The following ZFP82 variants were observed in gnomAD, a reference collection of about 807,000 sequenced individuals.
ZFP82 encodes ZFP82 zinc finger protein.
In ZFP82, 30 loss-of-function variants were observed where a neutral mutation model predicts 54.0. That is an observed-to-expected ratio of 0.56 (90% CI 0.42 to 0.75). The LOEUF is 0.75. ZFP82 is among the 30% of genes least tolerant of loss of function. The pLI is 0.00. For synonymous variants in ZFP82, 194 were observed against 209.5 expected, an observed-to-expected ratio of 0.93 and a Z score of 0.64; for missense variants, 500 against 636.8, an observed-to-expected ratio of 0.79 and a Z score of 2.31.
chr19:36,417,912 T>C (rs889473483), intron 1 of ZFP82, among the ~76,000 whole-genome samples: 3 of 152,086 alleles, frequency 2.0e-5, no homozygotes, highest in Non-Finnish European at 2.9e-5. Flanking sequence ...AGTTCTAATA[T>C]TCCTATCCCA....
chr19:36,404,999 C>T (rs1310440395), intron 4 of ZFP82, among the ~76,000 whole-genome samples: 1 of 152,036 alleles, frequency 6.6e-6, no homozygotes, highest in African/African-American at 2.4e-5. Flanking sequence ...GCCTGGCCAA[C>T]ATGGTGAAAC....
chr19:36,413,672 A>T (rs991114141), intron 1 of ZFP82, among the ~76,000 whole-genome samples: 4 of 152,190 alleles, frequency 2.6e-5, no homozygotes, highest in African/African-American at 9.6e-5. Flanking sequence ...TCAGGATATG[A>T]ACAGAGCTCT....
At chr19:36,399,548 G>A (rs763141142) in intron 4 of ZFP82, among the ~76,000 whole-genome samples, 5 of 152,172 alleles carry the variant, frequency 3.3e-5, no homozygotes, top group Admixed American at 1.3e-4. Flanking sequence ...AGCCACAGTC[G>A]CAGGCCCAGG....
chr19:36,392,935 G>A lies in ZFP82; in HGVS notation c.1405C>T (p.Gln469Ter). 10 of 1,613,976 alleles carry A rather than the reference G, an allele frequency of 6.2e-6. No individual in the cohort carries two copies. The highest frequency in any genetic ancestry group is 8.5e-6 in the Non-Finnish European group (10 of 1,179,946). Residue 469 changes from glutamine (Q) to a stop codon, truncating the protein, a stop_gained, in exon 5 of 5, where the codon CAG becomes TAG. Coordinates refer to ENST00000392161, the MANE Select transcript of ZFP82 (RefSeq NM_133466.4). LOFTEE classifies it high-confidence loss of function. Reference sequence around the variant, plus strand: ...GGTTTTTCGCCAGTATGAATGCTCTGATGTAGAGTAAGTTTTTGGCGCAAT... The same window carrying A: ...GGTTTTTCGCCAGTATGAATGCTCTAATGTAGAGTAAGTTTTTGGCGCAAT... ...FRLRQKLTLH[Q>*]SIHTGEKPFE...
At chr19:36,384,798 T>C (rs568805504), downstream of ZFP82, among the ~76,000 whole-genome samples, 1 of 152,226 alleles carries the variant, frequency 6.6e-6, no homozygotes, top group Non-Finnish European at 1.5e-5. Context: ...TTCTTCATGT[T>C]ACATTTTACT....
At chr19:36,396,059 C>CCA (rs1362656778) in intron 4 of ZFP82, 1 of 118,924 alleles carries the variant, frequency 8.4e-6, no homozygotes, top group African/African-American at 3.2e-5. Context: ...CCACGCCTGG[C>CCA]TATTTTTTTT....
rs1568483520 is a variant in ZFP82 at position 36,393,682 on chromosome 19, G to C, written c.658C>G (p.His220Asp). ...CATTCATAGAGTTTTTCACCAGAAT[G>C]AAGTCTCTGATGTCGAGTAAGGTGT... ...TAHLTRHQRL[H>D]SGEKLYECKE... The change falls in exon 5 of 5, where the codon CAT (histidine) becomes GAT (aspartate). Residue 220 changes from histidine to aspartate, a missense_variant. Transcript: ENST00000392161. 6.2e-7 allele frequency: 1 copy of C among 1,614,118 alleles called. No homozygotes were observed. Among genetic ancestry groups the C allele is most frequent in the Non-Finnish European group, 8.5e-7 (1 of 1,180,016 alleles).
intron 4 of ZFP82, chr19:36,396,090 G>A (rs1427543609): frequency 6.8e-6 from 1 of 146,628 alleles, no homozygotes; most frequent in Non-Finnish European, 1.5e-5. Flanking sequence ...ATTTTTAGTA[G>A]AGACAGGGTT....
At chr19:36,401,303 A>G (rs991767832) in intron 4 of ZFP82, among the ~76,000 whole-genome samples, 5 of 152,208 alleles carry the variant, frequency 3.3e-5, no homozygotes. Context: ...CTGCCTACGC[A>G]ACATCTCAAA....
At chr19:36,411,371 A>C (rs1481277869) in intron 1 of ZFP82, among the ~76,000 whole-genome samples, 1 of 152,176 alleles carries the variant, frequency 6.6e-6, no homozygotes, top group East Asian at 1.9e-4. Context: ...ACTAAAAAAA[A>C]ATAAAATAAA....
At chr19:36,417,156 GAA>G (rs2032687798) in intron 1 of ZFP82, among the ~76,000 whole-genome samples, 1 of 149,456 alleles carries the variant, frequency 6.7e-6, no homozygotes, top group Non-Finnish European at 1.5e-5. Flanking sequence ...TTTTTACTAG[GAA>G]ATACTCACCA....
intron 1 of ZFP82, among the ~76,000 whole-genome samples, chr19:36,417,193 C>A (rs1162679814): frequency 6.6e-6 from 1 of 151,054 alleles, no homozygotes; most frequent in East Asian, 1.9e-4. Flanking sequence ...TTTTCATTTT[C>A]CCCCCATCTA....
chr19:36,398,012 T>G (rs1244390866), intron 4 of ZFP82, among the ~76,000 whole-genome samples: 1 of 152,160 alleles, frequency 6.6e-6, no homozygotes, highest in Admixed American at 6.5e-5. Flanking sequence ...AGACTTACCA[T>G]CCCTTTTCCC....
downstream of ZFP82, among the ~76,000 whole-genome samples, chr19:36,385,486 T>C (rs1303928135): frequency 6.6e-6 from 1 of 152,206 alleles, no homozygotes; most frequent in African/African-American, 2.4e-5. Flanking sequence ...GCTTTGGAAC[T>C]AGGTAATGGG....
chr19:36,417,904 T>C (rs1182949134), intron 1 of ZFP82, among the ~76,000 whole-genome samples: 2 of 152,018 alleles, frequency 1.3e-5, no homozygotes, highest in East Asian at 3.9e-4. Context: ...GCTCGTTCAG[T>C]TCTAATATTC....
chr19:36,393,806 C>T lies in ZFP82; in HGVS notation c.534G>A (p.Ala178=), dbSNP rs138067157. ...AAGTAAGCTGTTGGCGCACTCTGAA[C>T]GCCTTCCCACATTCCTTACATTCAT... is the stretch of plus-strand genomic sequence containing the variant. ...KPYECKECGK[A]FRVRQQLTFH... is the part of the protein sequence containing the mutation. The change falls in exon 5 of 5, where the codon GCG becomes GCA. Residue 178 remains alanine (A), a synonymous_variant. Coordinates refer to ENST00000392161, the MANE Select transcript of ZFP82 (RefSeq NM_133466.4). The T allele has an allele frequency of 5.9e-5, 95 of 1,611,190 alleles. No individual in the cohort carries two copies. Among genetic ancestry groups the T allele is most frequent in the South Asian group, 1.9e-4 (17 of 90,886 alleles).
At chr19:36,405,921 T>G (rs933797207) in intron 3 of ZFP82, among the ~76,000 whole-genome samples, 1 of 152,246 alleles carries the variant, frequency 6.6e-6, no homozygotes, top group Non-Finnish European at 1.5e-5. Context: ...GTGGTTGAGA[T>G]GACAGACTGC....
At chr19:36,386,958 G>T (rs2032123212), downstream of ZFP82, among the ~76,000 whole-genome samples, 1 of 152,184 alleles carries the variant, frequency 6.6e-6, no homozygotes, top group African/African-American at 2.4e-5. Context: ...AATGTTGTTT[G>T]CACTGTTGGG....
chr19:36,394,003 T>TAA lies in ZFP82; in HGVS notation c.335_336dup (p.Lys113LeufsTer6). 6.2e-7 allele frequency: 1 copy of TAA among 1,612,706 alleles called. No individual in the cohort carries two copies. The highest frequency in any genetic ancestry group is 2.2e-5 in the East Asian group (1 of 44,878). On this transcript the variant is annotated frameshift_variant, in exon 5 of 5. Coordinates refer to ENST00000392161, the MANE Select transcript of ZFP82 (RefSeq NM_133466.4). LOFTEE classifies it high-confidence loss of function. The stretch of plus-strand genomic sequence containing the variant: ...CAATCATTTTTTAAAATGAGACCCT[T>TAA]AAGGCCATGGTTTTCAATTCTTTCC...
Sources: allele counts gnomAD v4.1 joint callset (sites outside exome capture counted in the v4.1 genomes callset), GRCh38; gene constraint gnomAD v4.1.1; transcripts MANE v1.5; gene names NCBI Gene and HGNC (gene_info 2026-07-23, HGNC 2026-07-21).